The following COL19A1 variants were observed in gnomAD, a reference collection of about 807,000 sequenced individuals.
COL19A1 encodes collagen type XIX alpha 1 chain, also known as collagen alpha-1(XIX) chain.
COL19A1 carries 159 observed loss-of-function variants against 190.2 expected under a neutral mutation model. That is an observed-to-expected ratio of 0.84 (90% CI 0.73 to 0.95). The LOEUF (loss-of-function observed/expected upper bound fraction) is 0.95, where lower values mean the gene tolerates loss of function less well. Ranked by LOEUF, COL19A1 falls within the 40% of genes least tolerant of loss-of-function variation. The pLI, the probability that COL19A1 is intolerant of heterozygous loss-of-function variation, is 0.00. For missense variants in COL19A1, 1,418 were observed against 1,431.9 expected (o/e 0.99, Z 0.16); for synonymous variants, 509 against 458.9 (o/e 1.11, Z -1.39).
At chr6:70,004,615 G>T (rs1777497634) in intron 11 of COL19A1, among the ~76,000 whole-genome samples, 1 of 151,864 alleles carries the variant, frequency 6.6e-6, no homozygotes, top group Non-Finnish European at 1.5e-5. Flanking sequence ...CCTTATGTTA[G>T]CAAGGTGGTC....
chr6:70,002,075 A>AG (rs201594046), intron 11 of COL19A1, among the ~76,000 whole-genome samples: 2,116 of 152,196 alleles, frequency 0.014, 43 homozygotes, highest in East Asian at 0.069. Context: ...TTTAACATGA[A>AG]GGATGTTGAA....
intron 2 of COL19A1, among the ~76,000 whole-genome samples, chr6:69,884,208 A>G (rs2502563): frequency 0.46 from 69,988 of 151,690 alleles, 16,463 homozygotes; most frequent in Middle Eastern, 0.56. Flanking sequence ...GGTGGCAGGC[A>G]CCTATAATCC....
intron 11 of COL19A1, among the ~76,000 whole-genome samples, chr6:69,966,409 A>G (rs1303822928): frequency 6.6e-6 from 1 of 152,234 alleles, no homozygotes; most frequent in Non-Finnish European, 1.5e-5. Context: ...AGGAGACTCC[A>G]TTTTGTTCTG....
intron 4 of COL19A1, among the ~76,000 whole-genome samples, chr6:69,915,648 G>A (rs747287792): frequency 3.3e-5 from 5 of 152,098 alleles, no homozygotes; most frequent in Non-Finnish European, 7.4e-5. Context: ...CCATAATGTA[G>A]GATTGGTGCA....
chr6:70,085,040 G>C (rs1782498771), intron 15 of COL19A1, among the ~76,000 whole-genome samples: 1 of 152,026 alleles, frequency 6.6e-6, no homozygotes. Flanking sequence ...AAATATATGT[G>C]TAAAGTAGCC....
intron 4 of COL19A1, 108 bp from the exon 5 acceptor site, chr6:69,927,801 T>C (rs1772492912): frequency 7.3e-7 from 1 of 1,368,940 alleles, no homozygotes; most frequent in Non-Finnish European, 9.9e-7. Flanking sequence ...ACACATTTAC[T>C]GAGAAAAATA....
chr6:70,105,126 G>A (rs557088898), intron 16 of COL19A1, among the ~76,000 whole-genome samples: 1 of 152,218 alleles, frequency 6.6e-6, no homozygotes, highest in African/African-American at 2.4e-5. Context: ...GAAAAAAATG[G>A]TTTATTAACT....
At chr6:70,095,889 A>G (rs1351416978) in intron 15 of COL19A1, among the ~76,000 whole-genome samples, 1 of 152,154 alleles carries the variant, frequency 6.6e-6, no homozygotes, top group Non-Finnish European at 1.5e-5. Flanking sequence ...AAGGCTGAAA[A>G]TATTCCATTG....
intron 15 of COL19A1, among the ~76,000 whole-genome samples, chr6:70,077,454 T>C (rs1316869805): frequency 2.6e-5 from 4 of 152,208 alleles, no homozygotes; most frequent in Non-Finnish European, 5.9e-5. Flanking sequence ...AGTAAACTTT[T>C]ACTTGGACTT....
intron 10 of COL19A1, among the ~76,000 whole-genome samples, chr6:69,960,624 T>TG: frequency 1.1e-5 from 1 of 87,396 alleles, no homozygotes; most frequent in African/African-American, 6.0e-5. Context: ...GTGCCCCCAC[T>TG]TTTTTTTTTT....
intron 6 of COL19A1, 31 bp downstream of exon 6, chr6:69,929,731 C>A (rs1413913603): frequency 1.3e-6 from 2 of 1,539,612 alleles, no homozygotes; most frequent in Admixed American, 4.3e-5. Context: ...TGAAAGAGAA[C>A]TAAAATTTCT....
intron 2 of COL19A1, among the ~76,000 whole-genome samples, chr6:69,884,811 T>C (rs908480722): frequency 2.0e-5 from 3 of 152,002 alleles, no homozygotes; most frequent in Non-Finnish European, 2.9e-5. Context: ...CTAGATAAAA[T>C]AATGATATAC....
In COL19A1 at chr6:69,866,819, C is replaced by T. The variant is rs1208447684; in HGVS notation, c.-33+179C>T. On this transcript the variant is annotated intron_variant, in intron 1 of 50. Transcript: ENST00000620364. ...AATAATGCACACCTGCATACGTTTC[C>T]ATAGGGGCCTTAAGGATGGGACCAA... 2.0e-5 allele frequency among the ~76,000 whole-genome samples: 3 copies of T among 152,166 alleles called. No individual in the cohort carries two copies. The East Asian group carries it at 5.8e-4, about 29-fold the overall frequency.
intron 12 of COL19A1, among the ~76,000 whole-genome samples, chr6:70,028,566 G>A (rs1778853039): frequency 1.3e-5 from 2 of 151,990 alleles, no homozygotes; most frequent in Non-Finnish European, 2.9e-5. Context: ...TGCTTTTTTT[G>A]GAAGAAGATT....
At chr6:70,084,886 ATT>A (rs1246368760) in intron 15 of COL19A1, among the ~76,000 whole-genome samples, 1 of 152,146 alleles carries the variant, frequency 6.6e-6, no homozygotes, top group Non-Finnish European at 1.5e-5. Context: ...CTCAAAAGGC[ATT>A]AATTCTGGAG....
chr6:70,208,738 T>C lies in COL19A1; in HGVS notation c.*1464T>C, dbSNP rs1488934365. ...TTGGCTAAAACAGGATGATTGCTTTTGTCTGTTTACTGAAAAATGAGTTTA... is the reference window on the plus strand; with the variant it reads ...TTGGCTAAAACAGGATGATTGCTTTCGTCTGTTTACTGAAAAATGAGTTTA... On this transcript the variant is annotated 3_prime_UTR_variant, in exon 51 of 51. Coordinates refer to ENST00000620364, the MANE Select transcript of COL19A1 (RefSeq NM_001858.6). 1 of 152,622 alleles carries C rather than the reference T, an allele frequency of 6.6e-6. No homozygotes were observed. The highest frequency in any genetic ancestry group is 1.5e-5 in the Non-Finnish European group (1 of 68,026). The allele number at this position is 152,622 out of a possible 1,614,324, so 9.5% of individuals were successfully genotyped here. A position where few individuals can be genotyped will look rare whatever the true frequency, so the allele number is the denominator to read the frequency against.
intron 16 of COL19A1, among the ~76,000 whole-genome samples, chr6:70,111,728 C>T (rs1784297254): frequency 6.6e-6 from 1 of 152,142 alleles, no homozygotes; most frequent in African/African-American, 2.4e-5. Flanking sequence ...CCTGAGCACA[C>T]TGTCTATAAC....
At position 70,207,362 on chromosome 6, in the gene COL19A1, TGC is replaced by T. The variant is rs373201255; in HGVS notation, c.*89_*90del. ...CGTCAAACCCTCATCATCTGTGGGT[TGC>T]TTTTTTTTTTTTTTTTTTTTTTTGG... On this transcript the variant is annotated 3_prime_UTR_variant, in exon 51 of 51. Coordinates refer to ENST00000620364, the MANE Select transcript of COL19A1 (RefSeq NM_001858.6). The T allele has an allele frequency of 7.2e-5, 55 of 767,916 alleles. No homozygotes were observed. The highest frequency in any genetic ancestry group is 8.8e-4 in the Middle Eastern group (2 of 2,274). The allele number at this position is 767,916 out of a possible 1,614,324, so 47.6% of individuals were successfully genotyped here.
chr6:70,202,397 A>G (rs1224402613), intron 49 of COL19A1, among the ~76,000 whole-genome samples: 1 of 152,202 alleles, frequency 6.6e-6, no homozygotes, highest in Admixed American at 6.5e-5. Flanking sequence ...TATGTTTTCT[A>G]AAGTTTTTAA....
Sources: allele counts gnomAD v4.1 joint callset (sites outside exome capture counted in the v4.1 genomes callset), GRCh38; gene constraint gnomAD v4.1.1; transcripts MANE v1.5; gene names NCBI Gene and HGNC (gene_info 2026-07-23, HGNC 2026-07-21).